PDIA6: variants seen among roughly 807,000 people sequenced by gnomAD.
PDIA6 encodes the protein protein disulfide isomerase family A member 6.
In PDIA6, 29 loss-of-function variants were observed where a neutral mutation model predicts 58.4. The ratio of observed to expected loss-of-function variants is 0.50; its 90% CI spans 0.37 to 0.68. The LOEUF is 0.68. Ranked by LOEUF, PDIA6 falls within the 30% of genes least tolerant of loss-of-function variation. The pLI is 0.00. For synonymous variants in PDIA6, 192 were observed against 202.6 expected, an observed-to-expected ratio of 0.95 and a Z score of 0.44; for missense variants, 480 against 551.0, an observed-to-expected ratio of 0.87 and a Z score of 1.29.
intron 1 of PDIA6, among the ~76,000 whole-genome samples, chr2:10,809,514 A>G (rs1266354810): frequency 6.6e-6 from 1 of 152,060 alleles, no homozygotes; most frequent in Non-Finnish European, 1.5e-5. Flanking sequence ...CATCTCTTGT[A>G]GAGAAAAAAT....
chr2:10,806,799 T>C (rs1666786677), intron 1 of PDIA6, among the ~76,000 whole-genome samples: 1 of 152,146 alleles, frequency 6.6e-6, no homozygotes, highest in South Asian at 2.1e-4. Flanking sequence ...ACCCTTTCTA[T>C]GTTTAGATAC....
chr2:10,823,296 A>G (rs1667455815), intron 1 of PDIA6: 1 of 152,186 alleles, frequency 6.6e-6, no homozygotes, highest in African/African-American at 2.4e-5. Context: ...GCTGCTTCTC[A>G]ATTCTTTGTC....
intron 12 of PDIA6, 131 bp from the exon 13 acceptor site, chr2:10,784,457 C>G: frequency 1.6e-6 from 1 of 636,216 alleles, no homozygotes; most frequent in Non-Finnish European, 2.7e-6. Flanking sequence ...CAGTCTGACT[C>G]CTACCCTGAC....
chr2:10,799,067 A>T (rs1394576047), intron 2 of PDIA6, among the ~76,000 whole-genome samples: 3 of 152,222 alleles, frequency 2.0e-5, no homozygotes, highest in Non-Finnish European at 2.9e-5. Context: ...AGAAGAGAAC[A>T]CAAGGAAAAA....
In PDIA6 at chr2:10,788,732, CAGA is replaced by C. The variant is rs1378575901; in HGVS notation, c.960_962del (p.Leu321del). The C allele has an allele frequency of 4.3e-6, 7 of 1,613,536 alleles. No individual in the cohort carries two copies. Among genetic ancestry groups the C allele is most frequent in the Admixed American group, 3.3e-5 (2 of 59,996 alleles). On this transcript the variant is annotated inframe_deletion, in exon 10 of 13. Coordinates refer to ENST00000272227, the MANE Select transcript of PDIA6 (RefSeq NM_005742.4). ...TCTTTTTGTATTTGTCTGCCAACTT[CAGA>C]AGAACTTCCAGATAAGAATTTCTGC...
intron 2 of PDIA6, among the ~76,000 whole-genome samples, chr2:10,802,228 G>A (rs1686435): frequency 0.49 from 74,182 of 151,954 alleles, 19,646 homozygotes; most frequent in South Asian, 0.58. Flanking sequence ...AAGAAACAGA[G>A]TGAAGTTAAT....
intron 1 of PDIA6, among the ~76,000 whole-genome samples, chr2:10,807,158 C>T (rs1238614516): frequency 6.6e-6 from 1 of 152,224 alleles, no homozygotes; most frequent in Non-Finnish European, 1.5e-5. Flanking sequence ...TTCTTGACTT[C>T]AACAAGGTTT....
intron 4 of PDIA6, among the ~76,000 whole-genome samples, chr2:10,794,656 C>T (rs994333473): frequency 6.7e-6 from 1 of 148,554 alleles, no homozygotes; most frequent in African/African-American, 2.5e-5. Context: ...AGGCCGGGTG[C>T]GGTGGCTCAC....
intron 1 of PDIA6, chr2:10,810,527 T>C: frequency 4.6e-6 from 5 of 1,086,000 alleles, no homozygotes. Flanking sequence ...GGGTTATTCT[T>C]TTTTCTAGTA....
upstream of PDIA6, among the ~76,000 whole-genome samples, chr2:10,834,233 G>A (rs774563165): frequency 1.3e-5 from 2 of 152,250 alleles, no homozygotes; most frequent in African/African-American, 2.4e-5. Flanking sequence ...GCGCTTCTGA[G>A]CAGAGACAAA....
intron 4 of PDIA6, among the ~76,000 whole-genome samples, chr2:10,796,616 C>T (rs1666280839): frequency 6.6e-6 from 1 of 152,064 alleles, no homozygotes. Flanking sequence ...ACAGCAGACA[C>T]TAACAATTTA....
In PDIA6 at chr2:10,819,183, A is replaced by G. The variant is rs1380630691; in HGVS notation, c.34+91T>C. The G allele has an allele frequency of 8.3e-6, 6 of 720,042 alleles. No homozygotes were observed. The African/African-American group carries it at 8.9e-5, about 11-fold the overall frequency. 44.6% of individuals were successfully genotyped at this position (720,042 alleles called of 1,614,324 possible). A position where few individuals can be genotyped will look rare whatever the true frequency, so the allele number is the denominator to read the frequency against. On this transcript the variant is annotated intron_variant, in intron 2 of 13. Transcript: ENST00000381611. ...TGACTAGACCTCATTTTGTTTATCC[A>G]TCCGTCTGTTAGTGGACACTTGGGT...
In PDIA6 at chr2:10,802,561, C is replaced by T. The variant is rs4758; in HGVS notation, c.99G>A (p.Ser33=). 795,284 of 1,471,952 alleles carry T rather than the reference C, an allele frequency of 0.54. 219,875 individuals are homozygous for T. The highest frequency in any genetic ancestry group is 0.58 in the Middle Eastern group (3,216 of 5,540). The allele number at this position is 1,471,952 out of a possible 1,614,324, so 91.2% of individuals were successfully genotyped here. Residue 33 remains serine, a synonymous_variant, in exon 2 of 13, where the codon TCG becomes TCA. Transcript: ENST00000272227. The part of the protein sequence containing the change: ...SSDDVIELTP[S]NFNREVIQSD... ...TCTGAATAACTTCTCGGTTGAAATT[C>T]GATGGAGTTAATTCGATCACATCAT...
chr2:10,802,463 A>C (rs749027197), intron 2 of PDIA6, 36 bp downstream of exon 2: 1 of 1,235,950 alleles, frequency 8.1e-7, no homozygotes, highest in Non-Finnish European at 1.1e-6. Flanking sequence ...TTCAGAAAGT[A>C]CTATAAATAA....
chr2:10,837,414 A>G, upstream of PDIA6: 1 of 632,336 alleles, frequency 1.6e-6, no homozygotes, highest in Non-Finnish European at 2.8e-6. Flanking sequence ...ACGTGAGGAA[A>G]TCAGAGAGGA....
chr2:10,835,043 C>T (rs2148586418), upstream of PDIA6, among the ~76,000 whole-genome samples: 2 of 152,294 alleles, frequency 1.3e-5, no homozygotes, highest in South Asian at 4.1e-4. Context: ...GCTGGGATTA[C>T]AGGCATGAGC....
rs1160796852 is a variant in PDIA6, at chr2:10,797,220, AAAAGAAATAAC to A, written c.220-24_220-14del. On this transcript the variant is annotated splice_polypyrimidine_tract_variant and intron_variant, in intron 3 of 12. Coordinates refer to ENST00000272227, the MANE Select transcript of PDIA6 (RefSeq NM_005742.4). ...CTTTGACAACATCCTGTGGAAATGTAAAAGAAATAACAATTTTTCCTTCCGCTAAAGCAGAC... is the reference window on the plus strand; with the variant it reads ...CTTTGACAACATCCTGTGGAAATGTAAATTTTTCCTTCCGCTAAAGCAGAC... 6.2e-7 allele frequency: 1 copy of A among 1,602,790 alleles called. No individual in the cohort carries two copies. The highest frequency in any genetic ancestry group is 1.8e-5 in the Admixed American group (1 of 57,062).
In PDIA6 at chr2:10,802,601, A is replaced by T; in HGVS notation, c.59T>A (p.Leu20Gln). 1 of 1,490,748 alleles carries T rather than the reference A, an allele frequency of 6.7e-7. No homozygotes were observed. Among genetic ancestry groups the T allele is most frequent in the Non-Finnish European group, 8.9e-7 (1 of 1,122,610 alleles). The allele number at this position is 1,490,748 out of a possible 1,614,324, so 92.3% of individuals were successfully genotyped here. A position where few individuals can be genotyped will look rare whatever the true frequency, so the allele number is the denominator to read the frequency against. The change falls in exon 2 of 13, where the codon CTG becomes CAG. Residue 20 changes from leucine to glutamine, a missense_variant. Leu to Gln is a moderately radical substitution (Grantham distance 113). Transcript: ENST00000272227. ...GATCACATCATCACTAGAGGAATAC[A>T]GACCATTCACTGCCAGAAAGAAGGT... ...SCTFFLAVNG[L>Q]YSSSDDVIEL...
upstream of PDIA6, among the ~76,000 whole-genome samples, chr2:10,832,662 G>T (rs948118653): frequency 2.0e-5 from 3 of 152,210 alleles, no homozygotes; most frequent in African/African-American, 7.2e-5. Context: ...GGACCGAAGG[G>T]CCCAGGCTCA....
Sources: gnomAD v4.1 joint callset for allele counts (sites outside exome capture counted in the v4.1 genomes callset) on GRCh38, gnomAD v4.1.1 for gene constraint, MANE v1.5 for transcripts, NCBI Gene and HGNC (gene_info 2026-07-23, HGNC 2026-07-21) for gene names.